Variants in COL11A1 observed in about 807,000 individuals in gnomAD.
COL11A1 encodes collagen type XI alpha 1 chain.
A neutral mutation model predicts 265.2 loss-of-function variants in COL11A1; 74 were observed. The ratio of observed to expected loss-of-function variants is 0.28; its 90% confidence interval spans 0.23 to 0.34. The LOEUF is 0.34. COL11A1 is among the 10% of genes least tolerant of loss of function. The pLI is 1.00. For missense variants in COL11A1, 2,165 were observed against 2,263.6 expected, an observed-to-expected ratio of 0.96 and a Z score of 0.88; for synonymous variants, 816 against 727.6, an observed-to-expected ratio of 1.12 and a Z score of -1.96.
chr1:103,042,830 C>T (rs957345074), intron 4 of COL11A1, among the ~76,000 whole-genome samples: 2 of 151,580 alleles, frequency 1.3e-5, no homozygotes, highest in African/African-American at 4.8e-5. Flanking sequence ...GTTCTGTTTT[C>T]TGTGGGAACT....
At chr1:102,882,567 T>C (rs1359070164) in intron 64 of COL11A1, among the ~76,000 whole-genome samples, 1 of 152,148 alleles carries the variant, frequency 6.6e-6, no homozygotes, top group African/African-American at 2.4e-5. Context: ...GCCTCTATTG[T>C]CCACACCATT....
At chr1:103,015,881 T>C (rs1051411488) in intron 11 of COL11A1, 139 bp from the exon 12 acceptor site, 102 of 586,948 alleles carry the variant, frequency 1.7e-4, no homozygotes, top group Non-Finnish European at 2.8e-4. Context: ...TTTTAGTAAG[T>C]ATACCTAGAC....
intron 4 of COL11A1, among the ~76,000 whole-genome samples, chr1:103,062,569 A>G (rs1670755784): frequency 6.6e-6 from 1 of 151,984 alleles, no homozygotes; most frequent in Admixed American, 6.6e-5. Context: ...AAGAAAAAAT[A>G]AATAAATTAT....
chr1:103,066,091 A>C (rs1302552265), intron 4 of COL11A1, among the ~76,000 whole-genome samples: 2 of 152,162 alleles, frequency 1.3e-5, no homozygotes, highest in African/African-American at 4.8e-5. Flanking sequence ...TCTCACATAT[A>C]AGAAAACTAA....
chr1:102,965,395 A>G (rs1161173596), intron 38 of COL11A1, 92 bp downstream of exon 38: 4 of 1,176,618 alleles, frequency 3.4e-6, no homozygotes, highest in Non-Finnish European at 3.8e-6. Context: ...ATTTTGAATC[A>G]TAATAAATTT....
intron 4 of COL11A1, among the ~76,000 whole-genome samples, chr1:103,051,586 T>C (rs1375673881): frequency 6.6e-6 from 1 of 152,184 alleles, no homozygotes; most frequent in Non-Finnish European, 1.5e-5. Flanking sequence ...CTTCGGCTTA[T>C]GCATGGTGCA....
At chr1:103,100,270 CT>C (rs1267807943) in intron 1 of COL11A1, 1 of 151,872 alleles carries the variant, frequency 6.6e-6, no homozygotes, top group African/African-American at 2.4e-5. Context: ...TCCTGATGAC[CT>C]TTATAATGGA....
chr1:103,062,489 G>A (rs1325708133), intron 4 of COL11A1, among the ~76,000 whole-genome samples: 1 of 151,790 alleles, frequency 6.6e-6, no homozygotes. Flanking sequence ...ATAGTCAAGT[G>A]GAATTTATCC....
intron 10 of COL11A1, 39 bp downstream of exon 10, chr1:103,018,779 C>G: frequency 6.5e-7 from 1 of 1,530,468 alleles, no homozygotes; most frequent in African/African-American, 1.4e-5. Context: ...TATATGATTA[C>G]TTTAAATAGA....
At chr1:102,934,607 A>G in intron 45 of COL11A1, 51 bp from the exon 46 acceptor site, 3 of 1,385,958 alleles carry the variant, frequency 2.2e-6, no homozygotes, top group Non-Finnish European at 3.1e-6. Context: ...TCATTACGAT[A>G]TGAGTCATTA....
chr1:103,064,835 TAA>T (rs34232422), intron 4 of COL11A1, among the ~76,000 whole-genome samples: 15 of 136,648 alleles, frequency 1.1e-4, no homozygotes, highest in African/African-American at 2.9e-4. Context: ...ATAGAGGCAG[TAA>T]AAAAAAAAAA....
rs754393660 is a variant in COL11A1 at position 102,940,345 on chromosome 1, A to G, written c.3366T>C (p.Pro1122=). The G allele has an allele frequency of 1.9e-6, 3 of 1,613,840 alleles. No homozygotes were observed. Among genetic ancestry groups the G allele is most frequent in the Non-Finnish European group, 2.5e-6 (3 of 1,179,796 alleles). ...TACCAACCTTGTCTCCGTCTTCCCCAGGGGAGCCGGCAGGACCAGCTGGCC... is the reference window on the plus strand; with the variant it reads ...TACCAACCTTGTCTCCGTCTTCCCCGGGGGAGCCGGCAGGACCAGCTGGCC... The part of the protein sequence containing the change: ...LPGPAGPAGS[P]GEDGDKGEIG... The change falls in exon 43 of 67, where the codon CCT becomes CCC. Residue 1122 remains proline, a synonymous_variant. Coordinates refer to ENST00000370096, the MANE Select transcript of COL11A1 (RefSeq NM_001854.4).
chr1:102,952,157 G>A (rs1659952316), intron 41 of COL11A1, among the ~76,000 whole-genome samples: 1 of 151,914 alleles, frequency 6.6e-6, no homozygotes, highest in Non-Finnish European at 1.5e-5. Flanking sequence ...GAAGTGCAGT[G>A]GTGCGATCTT....
intron 1 of COL11A1, among the ~76,000 whole-genome samples, chr1:103,104,778 T>C (rs140279672): frequency 4.4e-4 from 67 of 152,308 alleles, no homozygotes; most frequent in African/African-American, 1.5e-3. Flanking sequence ...AGACATAATA[T>C]TAATGAGTTT....
intron 3 of COL11A1, among the ~76,000 whole-genome samples, chr1:103,077,644 G>A (rs1167865748): frequency 1.3e-5 from 2 of 151,872 alleles, no homozygotes; most frequent in African/African-American, 4.8e-5. Flanking sequence ...AACCAAATGT[G>A]CTATTTTGGA....
chr1:103,003,333 T>A, intron 20 of COL11A1, 65 bp from the exon 21 acceptor site: 1 of 1,457,648 alleles, frequency 6.9e-7, no homozygotes, highest in Non-Finnish European at 9.5e-7. Context: ...CATGCCTCTT[T>A]CAATGAAGAA....
Position 102,912,267 on chromosome 1 carries a change from C to G in COL11A1, c.4033-55G>C, listed in dbSNP as rs188988207. ...AAATTGGATATTATTTTGTGGCCCACATAAATTTTCAAAATCTGGATGGAA... is the reference window on the plus strand; with the variant it reads ...AAATTGGATATTATTTTGTGGCCCAGATAAATTTTCAAAATCTGGATGGAA... On this transcript the variant is annotated intron_variant, in intron 53 of 66. Coordinates refer to ENST00000370096, the MANE Select transcript of COL11A1 (RefSeq NM_001854.4). The G allele has an allele frequency of 7.0e-6, 10 of 1,433,800 alleles. No homozygotes were observed. In the East Asian group the frequency reaches 2.4e-4, roughly 35 times the overall value. The allele number at this position is 1,433,800 out of a possible 1,614,324, so 88.8% of individuals were successfully genotyped here. A position where few individuals can be genotyped will look rare whatever the true frequency, so the allele number is the denominator to read the frequency against.
intron 65 of COL11A1, 50 bp from the exon 66 acceptor site, chr1:102,879,966 T>C (rs375826994): frequency 7.4e-5 from 91 of 1,232,862 alleles, no homozygotes; most frequent in Middle Eastern, 3.8e-4. Flanking sequence ...TCCTCTTTTA[T>C]GCTACAAAGA....
rs1280597761 is a variant in COL11A1, at chr1:102,877,196, A to T, written c.*823T>A. The T allele has an allele frequency of 1.3e-5, 2 of 152,600 alleles. No individual in the cohort carries two copies. Among genetic ancestry groups the T allele is most frequent in the Non-Finnish European group, 2.9e-5 (2 of 68,022 alleles). 9.5% of individuals were successfully genotyped at this position (152,600 alleles called of 1,614,324 possible). ...CTTACACACATTTCCCTGTCCAAAAATATAAACTTGCTTGTTTTCCATATA... is the reference window on the plus strand; with the variant it reads ...CTTACACACATTTCCCTGTCCAAAATTATAAACTTGCTTGTTTTCCATATA... On this transcript the variant is annotated 3_prime_UTR_variant, in exon 67 of 67. Coordinates refer to ENST00000370096, the MANE Select transcript of COL11A1 (RefSeq NM_001854.4).
Sources: gnomAD v4.1 joint callset for allele counts (sites outside exome capture counted in the v4.1 genomes callset) on GRCh38, gnomAD v4.1.1 for gene constraint, MANE v1.5 for transcripts, NCBI Gene and HGNC (gene_info 2026-07-23, HGNC 2026-07-21) for gene names.